BTLA: variants seen among roughly 807,000 people sequenced by gnomAD.
BTLA encodes the protein B- and T-lymphocyte attenuator.
Under a neutral mutation model 25.0 loss-of-function variants are expected in BTLA, and 11 were observed. That is an observed-to-expected ratio of 0.44 (90% CI 0.28 to 0.73). The LOEUF (loss-of-function observed/expected upper bound fraction) is 0.73, where lower values mean the gene tolerates loss of function less well. Among genes scored for constraint, BTLA ranks in the 30% least tolerant of loss-of-function variants. The probability of loss-of-function intolerance (pLI) is 0.15; values close to 1 mark genes in which losing one functional copy is unlikely to be tolerated. For missense variants in BTLA, 282 were observed against 332.8 expected (o/e 0.85, Z 1.19); for synonymous variants, 104 against 119.8 (o/e 0.87, Z 0.86).
intron 1 of BTLA, among the ~76,000 whole-genome samples, chr3:112,480,016 C>T (rs1288686909): frequency 6.6e-6 from 1 of 152,170 alleles, no homozygotes. Context: ...CCATCATATA[C>T]CCTGTGACCT....
intron 1 of BTLA, among the ~76,000 whole-genome samples, chr3:112,480,100 A>G (rs1315389375): frequency 6.6e-6 from 1 of 152,210 alleles, no homozygotes; most frequent in East Asian, 1.9e-4. Flanking sequence ...AACTGATGAC[A>G]TTCCACCATT....
At position 112,465,958 on chromosome 3, in the gene BTLA, C is replaced by T. The variant is rs2082222921; in HGVS notation, c.*150G>A. The T allele has an allele frequency of 2.5e-6, 2 of 795,696 alleles. No homozygotes were observed. Among genetic ancestry groups the T allele is most frequent in the South Asian group, 6.0e-5 (2 of 33,084 alleles). 49.3% of individuals were successfully genotyped at this position (795,696 alleles called of 1,614,324 possible). A position where few individuals can be genotyped will look rare whatever the true frequency, so the allele number is the denominator to read the frequency against. ...CTGAGAGAAATTTTAATCATTTATC[C>T]TATGGACCCTTAAGACCCAAGCACT... On this transcript the variant is annotated 3_prime_UTR_variant, in exon 5 of 5. Coordinates refer to ENST00000334529, the MANE Select transcript of BTLA (RefSeq NM_181780.4).
chr3:112,466,409 A>C, intron 4 of BTLA, 26 bp from the exon 5 acceptor site: 4 of 1,537,232 alleles, frequency 2.6e-6, no homozygotes, highest in Non-Finnish European at 3.5e-6. Flanking sequence ...AGATGGTTTT[A>C]AGTGACACTT....
At chr3:112,469,173 A>G (rs1344050515) in intron 4 of BTLA, among the ~76,000 whole-genome samples, 1 of 152,194 alleles carries the variant, frequency 6.6e-6, no homozygotes, top group Non-Finnish European at 1.5e-5. Context: ...CAAACCTTAT[A>G]GGAAAGATTG....
At chr3:112,486,834 C>G (rs1478147941) in intron 1 of BTLA, among the ~76,000 whole-genome samples, 1 of 152,094 alleles carries the variant, frequency 6.6e-6, no homozygotes, top group Non-Finnish European at 1.5e-5. Context: ...ATTTTAAACA[C>G]AAATAAAAAT....
chr3:112,471,336 T>C lies in BTLA; in HGVS notation c.423A>G (p.Glu141=). 1 of 1,613,850 alleles carries C rather than the reference T, an allele frequency of 6.2e-7. No homozygotes were observed. The stretch of plus-strand genomic sequence containing the variant: ...TTGCCATTTCGTCCTTGGAGGGTCG[T>C]TCTGAGGCACTTTTTACATCTGGAA... ...LYVTDVKSAS[E]RPSKDEMASR... is the part of the protein sequence containing the mutation. Residue 141 remains glutamate (E), a synonymous_variant, in exon 3 of 5, where the codon GAA becomes GAG. Transcript: ENST00000334529.
intron 1 of BTLA, among the ~76,000 whole-genome samples, chr3:112,488,622 T>C (rs2082362644): frequency 6.6e-6 from 1 of 151,264 alleles, no homozygotes; most frequent in Admixed American, 6.6e-5. Flanking sequence ...CCTTTTTTGT[T>C]GTTGTTGTTG....
intron 1 of BTLA, among the ~76,000 whole-genome samples, chr3:112,495,787 G>T (rs2082406025): frequency 6.6e-6 from 1 of 152,082 alleles, no homozygotes; most frequent in Non-Finnish European, 1.5e-5. Flanking sequence ...GATATTTTTT[G>T]ACCCAAAGAT....
chr3:112,498,322 AATTGAACCCGGGAGGAAGAAGAATCG>A (rs544422727), intron 1 of BTLA, among the ~76,000 whole-genome samples: 237 of 152,120 alleles, frequency 1.6e-3, no homozygotes, highest in Middle Eastern at 0.014. Context: ...CAGGAGAATA[AATTGAACCCGGGAGGAAGAAGAATCG>A]ATTGAACCCG....
chr3:112,483,744 G>A (rs919098386), intron 1 of BTLA, among the ~76,000 whole-genome samples: 2 of 151,942 alleles, frequency 1.3e-5, no homozygotes, highest in African/African-American at 4.8e-5. Flanking sequence ...GAGGGAGGTG[G>A]ATCACCTGAG....
chr3:112,490,396 A>G (rs1436514167), intron 1 of BTLA, among the ~76,000 whole-genome samples: 1 of 152,222 alleles, frequency 6.6e-6, no homozygotes, highest in African/African-American at 2.4e-5. Context: ...TCACGAGTAC[A>G]GTGAAAACTG....
Position 112,499,444 on chromosome 3 carries a change from C to A in BTLA, c.-86G>T. Reference sequence around the variant, plus strand: ...AGTGCTGCAGAGTTGGGTCAGTTTACCTACCCCAGTGGCATCTGTGAAATA... The same window carrying A: ...AGTGCTGCAGAGTTGGGTCAGTTTAACTACCCCAGTGGCATCTGTGAAATA... On this transcript the variant is annotated 5_prime_UTR_variant, in exon 1 of 5. Coordinates refer to ENST00000334529, the MANE Select transcript of BTLA (RefSeq NM_181780.4). 1.0e-6 allele frequency: 1 copy of A among 981,784 alleles called. No homozygotes were observed. The highest frequency in any genetic ancestry group is 1.5e-6 in the Non-Finnish European group (1 of 673,402). The allele number at this position is 981,784 out of a possible 1,614,324, so 60.8% of individuals were successfully genotyped here.
chr3:112,499,206 G>A (rs2082427972), intron 1 of BTLA, 65 bp downstream of exon 1: 1 of 1,152,580 alleles, frequency 8.7e-7, no homozygotes, highest in East Asian at 2.3e-5. Context: ...GTTCAGCAAG[G>A]GAGAATGTTG....
Position 112,465,773 on chromosome 3 carries a change from C to G in BTLA, c.*335G>C, listed in dbSNP as rs966089055. On this transcript the variant is annotated 3_prime_UTR_variant, in exon 5 of 5. Coordinates refer to ENST00000334529, the MANE Select transcript of BTLA (RefSeq NM_181780.4). ...AGGTAACACAAACCTCTTTTCCCTA[C>G]AAGTCTTTCCAATAGCTTCAAAGGC... 1.1e-5 allele frequency: 2 copies of G among 180,158 alleles called. No homozygotes were observed. Among genetic ancestry groups the G allele is most frequent in the African/African-American group, 4.7e-5 (2 of 42,692 alleles). 11.2% of individuals were successfully genotyped at this position (180,158 alleles called of 1,614,324 possible).
intron 1 of BTLA, among the ~76,000 whole-genome samples, chr3:112,481,821 A>AT (rs1405609319): frequency 4.6e-5 from 7 of 152,112 alleles, no homozygotes; most frequent in South Asian, 2.1e-4. Context: ...TATAAATTCC[A>AT]TTTTTAAGTC....
intron 1 of BTLA, among the ~76,000 whole-genome samples, chr3:112,496,814 G>A (rs960867389): frequency 6.6e-6 from 1 of 151,578 alleles, no homozygotes; most frequent in Admixed American, 6.6e-5. Flanking sequence ...TGCAACCTCT[G>A]CCTCCTGGGT....
At chr3:112,479,873 A>AC in intron 1 of BTLA, 104 bp from the exon 2 acceptor site, 1 of 944,948 alleles carries the variant, frequency 1.1e-6, no homozygotes, top group South Asian at 1.8e-5. Context: ...TTTCAAAAAC[A>AC]ACCCCCCAAT....
At chr3:112,491,009 A>G (rs1227066603) in intron 1 of BTLA, among the ~76,000 whole-genome samples, 1 of 152,202 alleles carries the variant, frequency 6.6e-6, no homozygotes, top group Non-Finnish European at 1.5e-5. Flanking sequence ...TGAAGACTTT[A>G]AGCTCTGTAT....
chr3:112,488,287 G>A (rs1476186374), intron 1 of BTLA, among the ~76,000 whole-genome samples: 2 of 147,546 alleles, frequency 1.4e-5, no homozygotes, highest in Non-Finnish European at 3.0e-5. Context: ...GAGTGCAGTG[G>A]CGCAATCTCC....
Sources: gnomAD v4.1 joint callset for allele counts (sites outside exome capture counted in the v4.1 genomes callset) on GRCh38, gnomAD v4.1.1 for gene constraint, MANE v1.5 for transcripts, NCBI Gene and HGNC (gene_info 2026-07-23, HGNC 2026-07-21) for gene names.